The following CCDC60 variants were observed in gnomAD, a reference collection of about 807,000 sequenced individuals.
CCDC60 encodes the protein coiled-coil domain-containing protein 60.
A neutral mutation model predicts 63.5 loss-of-function variants in CCDC60; 54 were observed. The ratio of observed to expected loss-of-function variants is 0.85; its 90% confidence interval spans 0.68 to 1.07. The LOEUF is 1.07. Among genes scored for constraint, CCDC60 ranks in the 50% least tolerant of loss-of-function variants. The pLI, the probability that CCDC60 is intolerant of heterozygous loss-of-function variation, is 0.00. For missense variants in CCDC60, 651 were observed against 684.3 expected, an observed-to-expected ratio of 0.95 and a Z score of 0.54; for synonymous variants, 206 against 238.8, an observed-to-expected ratio of 0.86 and a Z score of 1.27.
chr12:119,441,448 C>T (rs936781513), intron 2 of CCDC60, among the ~76,000 whole-genome samples: 1 of 152,098 alleles, frequency 6.6e-6, no homozygotes, highest in South Asian at 2.1e-4. Flanking sequence ...GCATCCAGCC[C>T]AATACATTTT....
At chr12:119,422,464 G>C (rs568606490) in intron 1 of CCDC60, among the ~76,000 whole-genome samples, 22 of 152,292 alleles carry the variant, frequency 1.4e-4, no homozygotes, top group Non-Finnish European at 2.8e-4. Flanking sequence ...TCTGGTCCTG[G>C]GGAGGCCTCA....
At chr12:119,407,944 C>T (rs1327246092) in intron 1 of CCDC60, among the ~76,000 whole-genome samples, 1 of 152,006 alleles carries the variant, frequency 6.6e-6, no homozygotes, top group Admixed American at 6.6e-5. Flanking sequence ...ATGCCCAGGC[C>T]GTGGACAAAA....
In CCDC60 at chr12:119,479,090, T is replaced by A; in HGVS notation, c.342-4T>A. Reference sequence around the variant, plus strand: ...CATTGTTTCTCTGTCTGCTTGTCCTTCAGCACATATGATGATGAGAAGTTG... The same window carrying A: ...CATTGTTTCTCTGTCTGCTTGTCCTACAGCACATATGATGATGAGAAGTTG... On this transcript the variant is annotated splice_region_variant and splice_polypyrimidine_tract_variant and intron_variant, in intron 3 of 13. Coordinates refer to ENST00000327554, the MANE Select transcript of CCDC60 (RefSeq NM_178499.5). 6.2e-7 allele frequency: 1 copy of A among 1,605,352 alleles called. No homozygotes were observed. The highest frequency in any genetic ancestry group is 8.5e-7 in the Non-Finnish European group (1 of 1,172,570).
chr12:119,538,443 A>G (rs938511270), intron 13 of CCDC60, among the ~76,000 whole-genome samples: 15 of 152,160 alleles, frequency 9.9e-5, no homozygotes, highest in African/African-American at 2.7e-4. Flanking sequence ...ACCAGTCCCA[A>G]TGAGATGAAC....
intron 7 of CCDC60, among the ~76,000 whole-genome samples, chr12:119,512,980 G>T (rs1279804220): frequency 6.6e-6 from 1 of 152,122 alleles, no homozygotes; most frequent in Non-Finnish European, 1.5e-5. Flanking sequence ...CTCACTCCAA[G>T]TCCCTTCTTC....
intron 2 of CCDC60, among the ~76,000 whole-genome samples, chr12:119,442,029 G>A (rs1348429523): frequency 6.6e-6 from 1 of 151,948 alleles, no homozygotes; most frequent in African/African-American, 2.4e-5. Context: ...AGAAAAGCTA[G>A]AAAATATCAA....
chr12:119,361,046 G>GA (rs1206226249), intron 1 of CCDC60, among the ~76,000 whole-genome samples: 1 of 151,994 alleles, frequency 6.6e-6, no homozygotes, highest in East Asian at 1.9e-4. Flanking sequence ...TGAGGCAGGA[G>GA]AATCAGGCAG....
At chr12:119,346,927 C>T (rs551089616) in intron 1 of CCDC60, among the ~76,000 whole-genome samples, 4 of 151,616 alleles carry the variant, frequency 2.6e-5, no homozygotes, top group African/African-American at 9.7e-5. Flanking sequence ...TGGGTTCAAG[C>T]GATTCTCCTG....
rs1173931179 is a variant in CCDC60, at chr12:119,410,515, G to A, written c.91-18168G>A. ...CAACAGCATTACCAGCTTCAGGAAT[G>A]TTCTCTCCTGCCTCGTGACATCAGG... is the stretch of plus-strand genomic sequence containing the variant. On this transcript the variant is annotated intron_variant, in intron 1 of 13. Transcript: ENST00000327554. This position sits in a 1 kb window ranked among gnomAD's most constrained non-coding sequence, Gnocchi z 4.0. Among the ~76,000 whole-genome samples the A allele has an allele frequency of 6.6e-6, 1 of 151,820 alleles. No individual in the cohort carries two copies. Among genetic ancestry groups the A allele is most frequent in the African/African-American group, 2.4e-5 (1 of 41,254 alleles).
At chr12:119,409,713 G>C (rs1312325233) in intron 1 of CCDC60, among the ~76,000 whole-genome samples, 1 of 152,044 alleles carries the variant, frequency 6.6e-6, no homozygotes, top group African/African-American at 2.4e-5. Context: ...GTATCTTCTT[G>C]GTCCTCTGTG....
intron 13 of CCDC60, among the ~76,000 whole-genome samples, chr12:119,535,189 A>C (rs2136549130): frequency 6.6e-6 from 1 of 152,246 alleles, no homozygotes; most frequent in Admixed American, 6.5e-5. Flanking sequence ...TAGATCTTCT[A>C]GTTTATTTGC....
At chr12:119,358,291 A>C (rs1374079825) in intron 1 of CCDC60, among the ~76,000 whole-genome samples, 1 of 152,166 alleles carries the variant, frequency 6.6e-6, no homozygotes, top group Non-Finnish European at 1.5e-5. Context: ...CTAGTTCCCT[A>C]TAAGGTGATT....
intron 3 of CCDC60, 87 bp downstream of exon 3, chr12:119,472,251 G>A: frequency 2.3e-6 from 3 of 1,300,172 alleles, no homozygotes; most frequent in Non-Finnish European, 3.3e-6. Context: ...AGCGAGGGCA[G>A]CTATCTCAGA....
intron 6 of CCDC60, among the ~76,000 whole-genome samples, chr12:119,501,570 G>C (rs533342928): frequency 6.6e-6 from 1 of 152,226 alleles, no homozygotes; most frequent in South Asian, 2.1e-4. Context: ...CCCTCATGAA[G>C]AATTTCACCA....
intron 1 of CCDC60, among the ~76,000 whole-genome samples, chr12:119,363,274 G>A (rs936063843): frequency 2.0e-5 from 3 of 152,118 alleles, no homozygotes. Flanking sequence ...TTTTCCTGAT[G>A]AGTAATGATA....
intron 5 of CCDC60, among the ~76,000 whole-genome samples, chr12:119,490,364 T>G (rs1029718100): frequency 1.4e-4 from 22 of 152,222 alleles, no homozygotes; most frequent in Admixed American, 2.6e-4. Flanking sequence ...TTTTTTTAAA[T>G]AGAAACCTCT....
At chr12:119,356,602 A>C (rs1308624702) in intron 1 of CCDC60, among the ~76,000 whole-genome samples, 3 of 152,154 alleles carry the variant, frequency 2.0e-5, no homozygotes, top group South Asian at 2.1e-4. Flanking sequence ...ACTGTGGTGA[A>C]CTTTCCCCAA....
intron 4 of CCDC60, among the ~76,000 whole-genome samples, chr12:119,483,915 C>T (rs1258709503): frequency 6.6e-6 from 1 of 151,040 alleles, no homozygotes; most frequent in Non-Finnish European, 1.5e-5. Context: ...AGACCGATTT[C>T]TATCAAGCAT....
intron 7 of CCDC60, among the ~76,000 whole-genome samples, chr12:119,509,644 A>AATG (rs60115763): frequency 0.2 from 30,793 of 150,822 alleles, 4,215 homozygotes; most frequent in East Asian, 0.44. Flanking sequence ...TTTTCTTTAG[A>AATG]ATGATGATGA....
Sources: gnomAD v4.1 joint callset for allele counts (sites outside exome capture counted in the v4.1 genomes callset) on GRCh38, gnomAD v4.1.1 for gene constraint, Gnocchi (gnomAD v3.1) non-coding constraint, MANE v1.5 for transcripts, NCBI Gene and HGNC (gene_info 2026-07-23, HGNC 2026-07-21) for gene names.